Variants in ANKRD36C observed in about 807,000 individuals in gnomAD.
ANKRD36C encodes ankyrin repeat domain-containing protein 36C.
ANKRD36C carries 61 observed loss-of-function variants against 276.4 expected under a neutral mutation model. The ratio of observed to expected loss-of-function variants is 0.22; its 90% CI spans 0.18 to 0.27. The LOEUF (loss-of-function observed/expected upper bound fraction) is 0.27. Among genes scored for constraint, ANKRD36C ranks in the 10% least tolerant of loss-of-function variants. ANKRD36C has a pLI of 1.00. For missense variants in ANKRD36C, 1,447 were observed against 2,032.3 expected, an observed-to-expected ratio of 0.71 and a Z score of 5.54; for synonymous variants, 483 against 680.1, an observed-to-expected ratio of 0.71 and a Z score of 4.51.
intron 34 of ANKRD36C, among the ~76,000 whole-genome samples, chr2:95,918,686 C>A (rs923002106): frequency 2.0e-5 from 3 of 151,666 alleles, no homozygotes; most frequent in African/African-American, 7.3e-5. Context: ...CCAAAACTTT[C>A]TTCGTCAAGT....
intron 59 of ANKRD36C, among the ~76,000 whole-genome samples, chr2:95,875,687 A>G (rs1382580912): frequency 6.6e-6 from 1 of 152,240 alleles, no homozygotes; most frequent in African/African-American, 2.4e-5. Context: ...TAATAATAAT[A>G]AAATAAAATA....
At chr2:95,874,031 A>G (rs1573731714) in intron 59 of ANKRD36C, among the ~76,000 whole-genome samples, 1 of 152,130 alleles carries the variant, frequency 6.6e-6, no homozygotes, top group African/African-American at 2.4e-5. Context: ...ATAAAAGAGG[A>G]TACAAACAAA....
chr2:95,973,332 A>T (rs1678736321), intron 6 of ANKRD36C, among the ~76,000 whole-genome samples: 1 of 152,096 alleles, frequency 6.6e-6, no homozygotes, highest in Non-Finnish European at 1.5e-5. Context: ...GAAGCGCTTG[A>T]ACCCAGGAGG....
chr2:95,893,511 T>A (rs2104357766), intron 44 of ANKRD36C, 22 bp downstream of exon 64: 1 of 1,539,042 alleles, frequency 6.5e-7, no homozygotes, highest in East Asian at 2.5e-5. Flanking sequence ...GAACATGACA[T>A]TAAATCTGTT....
At chr2:95,948,137 C>T (rs1280397078) in intron 17 of ANKRD36C, among the ~76,000 whole-genome samples, 1 of 152,084 alleles carries the variant, frequency 6.6e-6, no homozygotes, top group Non-Finnish European at 1.5e-5. Context: ...TCTGATGTAA[C>T]AAAGATTCAT....
intron 64 of ANKRD36C, 169 bp downstream of exon 84, chr2:95,853,540 A>G: frequency 1.8e-6 from 1 of 542,120 alleles, no homozygotes; most frequent in Non-Finnish European, 3.0e-6. Context: ...AATAAAATTA[A>G]TAATAAGGAA....
chr2:95,917,926 G>T, exon 36 of ANKRD36C: 1 of 1,606,564 alleles, frequency 6.2e-7, no homozygotes, highest in Non-Finnish European at 8.5e-7. Context: ...GTCAGTTGTA[G>T]CCTGAATGGA....
At chr2:95,891,955 G>A in intron 44 of ANKRD36C, 95 bp from the exon 65 acceptor site, 1 of 1,532,660 alleles carries the variant, frequency 6.5e-7, no homozygotes, top group South Asian at 1.2e-5. Flanking sequence ...CTGTCCTCCT[G>A]CCTGTATTAG....
chr2:95,986,239 C>T (rs1412917319), intron 3 of ANKRD36C, among the ~76,000 whole-genome samples: 2 of 152,008 alleles, frequency 1.3e-5, no homozygotes, highest in African/African-American at 2.4e-5. Context: ...TTTCTGATTG[C>T]TCTCCTTTTC....
chr2:95,890,692 T>G (rs1248522866), intron 46 of ANKRD36C, among the ~76,000 whole-genome samples: 4 of 151,594 alleles, frequency 2.6e-5, no homozygotes, highest in African/African-American at 9.7e-5. Context: ...TATCATCAAT[T>G]ATCAACTTTG....
intron 17 of ANKRD36C, among the ~76,000 whole-genome samples, chr2:95,945,892 C>G (rs963949100): frequency 1.3e-5 from 2 of 151,980 alleles, no homozygotes; most frequent in African/African-American, 4.8e-5. Context: ...TATTTTTAAA[C>G]AAAGGGGAAG....
rs1678936795 is a variant in ANKRD36C at position 95,982,189 on chromosome 2, G to A, written c.593+67C>T. On this transcript the variant is annotated intron_variant, in intron 4 of 66. Coordinates refer to ENST00000456556, the Ensembl canonical transcript of ANKRD36C. ...TATTAATGTAAAATTTGTGACTTCAGTGACCGCTACCACTCTAAAATGACA... is the reference window on the plus strand; with the variant it reads ...TATTAATGTAAAATTTGTGACTTCAATGACCGCTACCACTCTAAAATGACA... The A allele has an allele frequency of 4.0e-6, 5 of 1,257,680 alleles. No homozygotes were observed. The East Asian group carries it at 1.3e-4, about 34-fold the overall frequency. The allele number at this position is 1,257,680 out of a possible 1,614,324, so 77.9% of individuals were successfully genotyped here.
At chr2:95,889,826 T>C (rs1005517130) in exon 48 of ANKRD36C, 1 of 1,598,930 alleles carries the variant, frequency 6.3e-7, no homozygotes. Flanking sequence ...TCATCCTTTG[T>C]TTCTGTGGCC....
intron 40 of ANKRD36C, 144 bp downstream of exon 42, chr2:95,913,964 C>T (rs1294495147): frequency 3.3e-6 from 3 of 918,348 alleles, no homozygotes; most frequent in African/African-American, 1.7e-5. Flanking sequence ...TCAGCATCAC[C>T]CAAGAACTTA....
intron 60 of ANKRD36C, among the ~76,000 whole-genome samples, chr2:95,861,444 A>G (rs971154334): frequency 6.6e-6 from 1 of 151,866 alleles, no homozygotes; most frequent in Non-Finnish European, 1.5e-5. Flanking sequence ...CCATAATCCC[A>G]CAGATTCAGG....
intron 10 of ANKRD36C, 79 bp downstream of exon 10, chr2:95,960,394 C>G: frequency 6.7e-7 from 1 of 1,503,212 alleles, no homozygotes; most frequent in African/African-American, 1.4e-5. Context: ...TCAATGAGCC[C>G]CCTGCTGATT....
intron 44 of ANKRD36C, among the ~76,000 whole-genome samples, chr2:95,892,560 A>G (rs1225795291): frequency 6.6e-6 from 1 of 151,542 alleles, no homozygotes; most frequent in Admixed American, 6.6e-5. Context: ...AAATATCATC[A>G]ATTATCAATT....
intron 60 of ANKRD36C, among the ~76,000 whole-genome samples, chr2:95,861,709 C>G (rs930217668): frequency 6.6e-6 from 1 of 151,972 alleles, no homozygotes; most frequent in Non-Finnish European, 1.5e-5. Context: ...GGACTAATAG[C>G]AATCACACAG....
intron 16 of ANKRD36C, among the ~76,000 whole-genome samples, chr2:95,949,160 C>A (rs1166175227): frequency 6.6e-6 from 1 of 152,138 alleles, no homozygotes; most frequent in Non-Finnish European, 1.5e-5. Flanking sequence ...AGGGAACCCC[C>A]TGAAAAACTG....
Sources: gnomAD v4.1 joint callset for allele counts (sites outside exome capture counted in the v4.1 genomes callset) on GRCh38, gnomAD v4.1.1 for gene constraint, MANE v1.5 for transcripts, NCBI Gene and HGNC (gene_info 2026-07-23, HGNC 2026-07-21) for gene names.